Variants in NDFIP1 observed in about 807,000 individuals in gnomAD.
The protein encoded by NDFIP1 is NEDD4 family-interacting protein 1.
Under a neutral mutation model 28.8 loss-of-function variants are expected in NDFIP1, and 7 were observed. That is an observed-to-expected ratio of 0.24 (90% CI 0.14 to 0.46). NDFIP1 has a LOEUF of 0.46. Ranked by LOEUF, NDFIP1 falls within the 20% of genes least tolerant of loss-of-function variation. The pLI is 0.99. For missense variants in NDFIP1, 194 were observed against 269.1 expected (o/e 0.72, Z 1.95); for synonymous variants, 92 against 101.0 (o/e 0.91, Z 0.53).
chr5:142,146,599 G>C (rs946875063), intron 7 of NDFIP1, among the ~76,000 whole-genome samples: 6 of 152,158 alleles, frequency 3.9e-5, no homozygotes, highest in Non-Finnish European at 7.4e-5. Flanking sequence ...TGAGGGGACA[G>C]ATTTCTTTCT....
At position 142,153,695 on chromosome 5, in the gene NDFIP1, A is replaced by G; in HGVS notation, c.*1967A>G. 3.8e-6 allele frequency: 1 copy of G among 261,608 alleles called. No homozygotes were observed. The highest frequency in any genetic ancestry group is 7.6e-6 in the Non-Finnish European group (1 of 131,258). The allele number at this position is 261,608 out of a possible 1,614,324, so 16.2% of individuals were successfully genotyped here. A position where few individuals can be genotyped will look rare whatever the true frequency, so the allele number is the denominator to read the frequency against. On this transcript the variant is annotated 3_prime_UTR_variant, in exon 8 of 8. Transcript: ENST00000253814. ...CTATAATGTTCTAAGTTCCAGAATGAAAAGATCTGTAACAATCTGAATAGA... is the reference window on the plus strand; with the variant it reads ...CTATAATGTTCTAAGTTCCAGAATGGAAAGATCTGTAACAATCTGAATAGA...
intron 1 of NDFIP1, among the ~76,000 whole-genome samples, chr5:142,117,111 A>G (rs1757076287): frequency 6.6e-6 from 1 of 152,172 alleles, no homozygotes; most frequent in Non-Finnish European, 1.5e-5. Context: ...TCTCAGCAAT[A>G]TTAATTAGTA....
At chr5:142,142,968 T>TATATATATATATATATATA (rs1757352438) in intron 6 of NDFIP1, 3 of 127,972 alleles carry the variant, frequency 2.3e-5, no homozygotes, top group Admixed American at 8.0e-5. Context: ...TATATATATA[T>TATATATATATATATATATA]TAATAAGAGT....
At chr5:142,122,974 T>G (rs909765504) in intron 1 of NDFIP1, among the ~76,000 whole-genome samples, 26 of 152,160 alleles carry the variant, frequency 1.7e-4, no homozygotes, top group African/African-American at 6.3e-4. Flanking sequence ...GGTTTTGTTT[T>G]GTGTTTTAGG....
chr5:142,131,742 A>G (rs902720808), intron 1 of NDFIP1, 66 bp from the exon 2 acceptor site: 91 of 1,249,936 alleles, frequency 7.3e-5, no homozygotes, highest in Non-Finnish European at 9.3e-5. Context: ...TATTTATTTC[A>G]GTTTTTGGGT....
chr5:142,142,438 C>A (rs1023170667), intron 6 of NDFIP1, among the ~76,000 whole-genome samples: 1 of 152,030 alleles, frequency 6.6e-6, no homozygotes, highest in African/African-American at 2.4e-5. Context: ...AAAGGCTGAC[C>A]ACCCGTGTTT....
intron 1 of NDFIP1, among the ~76,000 whole-genome samples, chr5:142,123,099 A>G (rs1757136785): frequency 6.6e-6 from 1 of 152,016 alleles, no homozygotes; most frequent in African/African-American, 2.4e-5. Flanking sequence ...AGTAGCTGGG[A>G]CTACAGGGGC....
At chr5:142,119,431 C>T (rs1757101167) in intron 1 of NDFIP1, among the ~76,000 whole-genome samples, 1 of 152,238 alleles carries the variant, frequency 6.6e-6, no homozygotes, top group Non-Finnish European at 1.5e-5. Flanking sequence ...TAGGTCAGCA[C>T]CTTTTCCTCC....
chr5:142,151,414 C>T (rs145318604), intron 7 of NDFIP1, among the ~76,000 whole-genome samples: 2 of 152,272 alleles, frequency 1.3e-5, no homozygotes, highest in African/African-American at 2.4e-5. Context: ...TTGCTGACAG[C>T]GTTCAGTGTG....
chr5:142,120,400 A>G (rs1395168041), intron 1 of NDFIP1, among the ~76,000 whole-genome samples: 1 of 152,146 alleles, frequency 6.6e-6, no homozygotes, highest in Non-Finnish European at 1.5e-5. Context: ...GGGATACAAA[A>G]CAGGTTGTTT....
chr5:142,124,110 T>A (rs2126914215), intron 1 of NDFIP1, among the ~76,000 whole-genome samples: 2 of 152,302 alleles, frequency 1.3e-5, no homozygotes, highest in East Asian at 3.9e-4. Context: ...CTGTAGGTTT[T>A]CCTCAAGCTG....
chr5:142,124,829 A>AT (rs61643712), intron 1 of NDFIP1, among the ~76,000 whole-genome samples: 32 of 145,876 alleles, frequency 2.2e-4, no homozygotes, highest in South Asian at 6.5e-4. Flanking sequence ...CAACTTGAAG[A>AT]TTTTTTTTTT....
At chr5:142,110,367 T>A (rs1561596176) in intron 1 of NDFIP1, among the ~76,000 whole-genome samples, 1 of 152,188 alleles carries the variant, frequency 6.6e-6, no homozygotes, top group Non-Finnish European at 1.5e-5. Flanking sequence ...CACTTAACTG[T>A]CACCACAGTG....
rs191105416 is a variant in NDFIP1, at chr5:142,123,012, G to A, written c.64-8796G>A. On this transcript the variant is annotated intron_variant, in intron 1 of 7. Coordinates refer to ENST00000253814, the MANE Select transcript of NDFIP1 (RefSeq NM_030571.4). Reference sequence around the variant, plus strand: ...GAGTCTCGCTCTGTTGCCCAGGCTGGAGTGCAGTGGGGTAATCTCGGCTCA... The same window carrying A: ...GAGTCTCGCTCTGTTGCCCAGGCTGAAGTGCAGTGGGGTAATCTCGGCTCA... Among the ~76,000 whole-genome samples, 212 of 152,276 alleles carry A rather than the reference G, an allele frequency of 1.4e-3. 1 individual carries two copies. The highest frequency in any genetic ancestry group is 5.1e-3 in the African/African-American group (210 of 41,546).
intron 4 of NDFIP1, among the ~76,000 whole-genome samples, chr5:142,136,472 A>C (rs950858183): frequency 1.3e-5 from 2 of 152,130 alleles, no homozygotes; most frequent in African/African-American, 4.8e-5. Context: ...AGCAGAGGTC[A>C]GGCTGGGCAT....
At chr5:142,121,804 T>A (rs1247601755) in intron 1 of NDFIP1, among the ~76,000 whole-genome samples, 1 of 152,216 alleles carries the variant, frequency 6.6e-6, no homozygotes, top group Non-Finnish European at 1.5e-5. Context: ...AGATGCGAAC[T>A]GGTAAGTTAA....
intron 1 of NDFIP1, among the ~76,000 whole-genome samples, chr5:142,131,356 C>T (rs912335763): frequency 1.2e-4 from 18 of 152,072 alleles, no homozygotes; most frequent in African/African-American, 4.1e-4. Flanking sequence ...CTCACTGCAA[C>T]CTCCGCCTCC....
At chr5:142,117,881 A>G (rs1217882106) in intron 1 of NDFIP1, among the ~76,000 whole-genome samples, 2 of 151,846 alleles carry the variant, frequency 1.3e-5, no homozygotes, top group Admixed American at 1.3e-4. Context: ...TGTACTTTCA[A>G]ATAGACTTTA....
In NDFIP1 at chr5:142,154,330, T is replaced by C. The variant is rs1757477322; in HGVS notation, c.*2602T>C. The C allele has an allele frequency of 6.6e-6, 1 of 152,316 alleles. No individual in the cohort carries two copies. The highest frequency in any genetic ancestry group is 2.4e-5 in the African/African-American group (1 of 41,440). The allele number at this position is 152,316 out of a possible 1,614,324, so 9.4% of individuals were successfully genotyped here. On this transcript the variant is annotated 3_prime_UTR_variant, in exon 8 of 8. Transcript: ENST00000253814. ...TTAACTTCTTGTTGCCATTTGAAAC[T>C]CTGTACTCTTATGTTTAAAGGGTTC...
Sources: gnomAD v4.1 joint callset for allele counts (sites outside exome capture counted in the v4.1 genomes callset) on GRCh38, gnomAD v4.1.1 for gene constraint, MANE v1.5 for transcripts, NCBI Gene and HGNC (gene_info 2026-07-23, HGNC 2026-07-21) for gene names.